Variants in OXNAD1 observed in about 807,000 individuals in gnomAD.
OXNAD1 encodes oxidoreductase NAD-binding domain-containing protein 1.
In OXNAD1, 34 loss-of-function variants were observed where a neutral mutation model predicts 32.9. The observed-to-expected ratio is 1.03, with a 90% CI of 0.79 to 1.38. OXNAD1 has a LOEUF of 1.38. OXNAD1 is among the 40% of genes most tolerant of loss of function. The pLI is 0.00. For missense variants in OXNAD1, 407 were observed against 379.4 expected (o/e 1.07, Z -0.60); for synonymous variants, 134 against 135.2 (o/e 0.99, Z 0.06).
intron 9 of OXNAD1, among the ~76,000 whole-genome samples, chr3:16,328,574 G>T (rs560710982): frequency 6.6e-6 from 1 of 152,158 alleles, no homozygotes; most frequent in African/African-American, 2.4e-5. Flanking sequence ...CCTTTCCTCC[G>T]CTGTATAAAA....
In OXNAD1 at chr3:16,329,169, G is replaced by A. The variant is rs965365383; in HGVS notation, c.*31-7943G>A. Among the ~76,000 whole-genome samples the A allele has an allele frequency of 2.6e-5, 4 of 152,198 alleles. No homozygotes were observed. Among genetic ancestry groups the A allele is most frequent in the African/African-American group, 4.8e-5 (2 of 41,466 alleles). On this transcript the variant is annotated intron_variant, in intron 9 of 9. Coordinates refer to the OXNAD1 transcript ENST00000435829. This position sits in a 1 kb window ranked among gnomAD's most constrained non-coding sequence, Gnocchi z 4.5. Reference sequence around the variant, plus strand: ...TCCTGCTCTCTCCCCTCTTTTCTGCGCTTCCGCCTCGGGATGACGCAGCAA... The same window carrying A: ...TCCTGCTCTCTCCCCTCTTTTCTGCACTTCCGCCTCGGGATGACGCAGCAA...
Position 16,344,517 on chromosome 3 carries a change from G to A in OXNAD1, c.*31-4659G>A, listed in dbSNP as rs2071514493. On this transcript the variant is annotated intron_variant, in intron 9 of 9. Coordinates refer to the OXNAD1 transcript ENST00000606098. The surrounding 1 kb of genome is among the most constrained non-coding windows in gnomAD (Gnocchi z 4.4). ...TTCTTCCCCCTCGCCCAACTAGAAT[G>A]CTTTATGTGGAGCCCAAGAGCATCC... Among the ~76,000 whole-genome samples, 1 of 152,008 alleles carries A rather than the reference G, an allele frequency of 6.6e-6. No homozygotes were observed. Among genetic ancestry groups the A allele is most frequent in the Non-Finnish European group, 1.5e-5 (1 of 68,006 alleles).
At position 16,302,251 on chromosome 3, in the gene OXNAD1, TTAAAC is replaced by T. The variant is rs1330355400; in HGVS notation, c.676-385_676-381del. Among the ~76,000 whole-genome samples the T allele has an allele frequency of 1.3e-5, 2 of 152,198 alleles. No homozygotes were observed. The highest frequency in any genetic ancestry group is 2.9e-5 in the Non-Finnish European group (2 of 68,032). ...TGAAACCCCTGTCAGTTGCATCTGT[TTAAAC>T]TAAGTGCATTTGATGAAGAAAGCTT... On this transcript the variant is annotated intron_variant, in intron 7 of 8. Coordinates refer to ENST00000285083, the MANE Select transcript of OXNAD1 (RefSeq NM_138381.5). The surrounding 1 kb of genome is among the most constrained non-coding windows in gnomAD (Gnocchi z 4.2).
At chr3:16,339,325 T>C (rs1174080429), downstream of OXNAD1, 3 of 152,234 alleles carry the variant, frequency 2.0e-5, no homozygotes, top group African/African-American at 7.2e-5. Context: ...TTAAACCAAA[T>C]TGCATTGCAC....
At position 16,305,164 on chromosome 3, in the gene OXNAD1, G is replaced by A. The variant is rs1412157962; in HGVS notation, c.*1602G>A. 1 of 152,304 alleles carries A rather than the reference G, an allele frequency of 6.6e-6. No individual in the cohort carries two copies. Among genetic ancestry groups the A allele is most frequent in the Non-Finnish European group, 1.5e-5 (1 of 68,152 alleles). 9.4% of individuals were successfully genotyped at this position (152,304 alleles called of 1,614,324 possible). ...ATGCAAGGATGTGGGATTATCAAGG[G>A]GCACGTCTACTAACTGGTGAAGGCA... On this transcript the variant is annotated 3_prime_UTR_variant, in exon 9 of 9. Transcript: ENST00000285083. This position sits in a 1 kb window ranked among gnomAD's most constrained non-coding sequence, Gnocchi z 4.5.
rs901333537 is a variant in OXNAD1 at position 16,303,752 on chromosome 3, A to G, written c.*190A>G. On this transcript the variant is annotated 3_prime_UTR_variant, in exon 9 of 9. Transcript: ENST00000285083. This position sits in a 1 kb window ranked among gnomAD's most constrained non-coding sequence, Gnocchi z 4.8. ...ATGATAAACTTTTTGCAAAGACCTC[A>G]GTGATCAAACTATTTTTTACTATAC... 2 of 525,462 alleles carry G rather than the reference A, an allele frequency of 3.8e-6. No individual in the cohort carries two copies. The highest frequency in any genetic ancestry group is 6.4e-6 in the Non-Finnish European group (2 of 310,496). 32.5% of individuals were successfully genotyped at this position (525,462 alleles called of 1,614,324 possible).
At chr3:16,285,684 A>G (rs889261197) in intron 4 of OXNAD1, among the ~76,000 whole-genome samples, 1 of 152,212 alleles carries the variant, frequency 6.6e-6, no homozygotes, top group Non-Finnish European at 1.5e-5. Flanking sequence ...TCTGTAGGGA[A>G]GGGCTCTTTT....
chr3:16,296,799 C>G (rs1166551519), intron 6 of OXNAD1, among the ~76,000 whole-genome samples: 5 of 151,936 alleles, frequency 3.3e-5, no homozygotes, highest in East Asian at 1.9e-4. Context: ...AACGAAAAAC[C>G]AAAAACCTTC....
At position 16,322,716 on chromosome 3, in the gene OXNAD1, C is replaced by T. The variant is rs959943801; in HGVS notation, c.*31-14396C>T. 6.6e-6 allele frequency among the ~76,000 whole-genome samples: 1 copy of T among 152,178 alleles called. No individual in the cohort carries two copies. Among genetic ancestry groups the T allele is most frequent in the East Asian group, 1.9e-4 (1 of 5,196 alleles). ...TCGTACAGCCCTTGTGCTCAACCTT[C>T]AGGAATCACAGAGAAGACTCTCTGA... On this transcript the variant is annotated intron_variant, in intron 9 of 9. Transcript: ENST00000435829. The surrounding 1 kb of genome is among the most constrained non-coding windows in gnomAD (Gnocchi z 6.2).
rs1026979581 is a variant in OXNAD1 at position 16,344,566 on chromosome 3, G to T, written c.*31-4610G>T. Reference sequence around the variant, plus strand: ...CCATGTTCTTATTCTTAGATCCCAAGGGCCACCCAAGGTATTCTGTGGCCT... The same window carrying T: ...CCATGTTCTTATTCTTAGATCCCAATGGCCACCCAAGGTATTCTGTGGCCT... On this transcript the variant is annotated intron_variant, in intron 9 of 9. Transcript: ENST00000606098. This position sits in a 1 kb window ranked among gnomAD's most constrained non-coding sequence, Gnocchi z 4.4. Among the ~76,000 whole-genome samples the T allele has an allele frequency of 2.0e-5, 3 of 151,990 alleles. No homozygotes were observed. The highest frequency in any genetic ancestry group is 7.3e-5 in the African/African-American group (3 of 41,362).
At chr3:16,332,952 T>C (rs773435144) in intron 9 of OXNAD1, among the ~76,000 whole-genome samples, 2 of 152,208 alleles carry the variant, frequency 1.3e-5, no homozygotes, top group African/African-American at 4.8e-5. Flanking sequence ...AAGAGAAATA[T>C]AGGGTTAGGG....
At chr3:16,272,737 A>G (rs2065044107) in intron 4 of OXNAD1, among the ~76,000 whole-genome samples, 1 of 151,370 alleles carries the variant, frequency 6.6e-6, no homozygotes. Flanking sequence ...TTTTCCAATA[A>G]TAAATCTGAA....
chr3:16,271,072 G>A lies in OXNAD1; in HGVS notation c.119+1G>A. The A allele has an allele frequency of 6.2e-7, 1 of 1,613,644 alleles. No individual in the cohort carries two copies. Among genetic ancestry groups the A allele is most frequent in the Non-Finnish European group, 8.5e-7 (1 of 1,179,878 alleles). ...CTTTGCGCCACCTTACTCTAACCAG[G>A]TGAGTCATTAAGACTTCTGTGTCAT... is the stretch of plus-strand genomic sequence containing the variant. On this transcript the variant is annotated splice_donor_variant, in intron 3 of 8. Transcript: ENST00000285083. LOFTEE classifies it high-confidence loss of function. This position sits in a 1 kb window ranked among gnomAD's most constrained non-coding sequence, Gnocchi z 4.6.
In OXNAD1 at chr3:16,288,844, C is replaced by T. The variant is rs925300174; in HGVS notation, c.290+2396C>T. Among the ~76,000 whole-genome samples, 3 of 152,206 alleles carry T rather than the reference C, an allele frequency of 2.0e-5. No individual in the cohort carries two copies. The highest frequency in any genetic ancestry group is 7.2e-5 in the African/African-American group (3 of 41,442). ...ACTCACTCTTGGGTCTGGAGCATGC[C>T]ACCACTGGTCCTCACACAGTGTGCA... On this transcript the variant is annotated intron_variant, in intron 5 of 8. Coordinates refer to ENST00000285083, the MANE Select transcript of OXNAD1 (RefSeq NM_138381.5). The surrounding 1 kb of genome is among the most constrained non-coding windows in gnomAD (Gnocchi z 5.1).
At position 16,315,231 on chromosome 3, in the gene OXNAD1, T is replaced by C. The variant is rs575485339; in HGVS notation, c.*30+11639T>C. On this transcript the variant is annotated intron_variant, in intron 9 of 9. Transcript: ENST00000435829. ...CCCAGGTTCAAGCAATTCTCCTGCC[T>C]CAGCCTCCCGAGTAGCTGAGATTAC... Among the ~76,000 whole-genome samples, 9 of 152,314 alleles carry C rather than the reference T, an allele frequency of 5.9e-5. No homozygotes were observed. In the Middle Eastern group the frequency reaches 0.01, roughly 173 times the overall value.
intron 9 of OXNAD1, chr3:16,347,586 CCTCT>C (rs377067244): frequency 1.3e-5 from 2 of 152,218 alleles, no homozygotes; most frequent in Admixed American, 6.5e-5. Flanking sequence ...TCTCCCTCTG[CCTCT>C]CTGTTACACA....
chr3:16,319,306 T>C (rs1350271134), intron 9 of OXNAD1, among the ~76,000 whole-genome samples: 3 of 152,206 alleles, frequency 2.0e-5, no homozygotes, highest in Non-Finnish European at 4.4e-5. Flanking sequence ...AAGTGGTGAT[T>C]GTTTTGGCTA....
chr3:16,338,588 A>C (rs1355250690), downstream of OXNAD1, among the ~76,000 whole-genome samples: 1 of 152,086 alleles, frequency 6.6e-6, no homozygotes. This position sits in a 1 kb window ranked among gnomAD's most constrained non-coding sequence, Gnocchi z 5.3. Flanking sequence ...AAAAAGAAAC[A>C]TTTTCTCCAT....
rs1021765326 is a variant in OXNAD1, at chr3:16,344,161, T to G, written c.*31-5015T>G. Among the ~76,000 whole-genome samples, 1 of 152,220 alleles carries G rather than the reference T, an allele frequency of 6.6e-6. No homozygotes were observed. Among genetic ancestry groups the G allele is most frequent in the Non-Finnish European group, 1.5e-5 (1 of 68,036 alleles). ...ATGCTTCATTCTATATTATTGACTT[T>G]TTGGAGCTTAAATACAATTTGTTGA... On this transcript the variant is annotated intron_variant, in intron 9 of 9. Transcript: ENST00000606098. This position sits in a 1 kb window ranked among gnomAD's most constrained non-coding sequence, Gnocchi z 4.4.
Sources: gnomAD v4.1 joint callset for allele counts (sites outside exome capture counted in the v4.1 genomes callset) on GRCh38, gnomAD v4.1.1 for gene constraint, Gnocchi (gnomAD v3.1) non-coding constraint, MANE v1.5 for transcripts, NCBI Gene and HGNC (gene_info 2026-07-23, HGNC 2026-07-21) for gene names.